The following RNF157 variants were observed in gnomAD, a reference collection of about 807,000 sequenced individuals.
RNF157 encodes ring finger protein 157.
RNF157 carries 55 observed loss-of-function variants against 88.3 expected under a neutral mutation model. The observed-to-expected ratio is 0.62, with a 90% CI of 0.50 to 0.78. The LOEUF (loss-of-function observed/expected upper bound fraction) is 0.78. Ranked by LOEUF, RNF157 falls within the 30% of genes least tolerant of loss-of-function variation. The pLI is 0.00. For missense variants in RNF157, 788 were observed against 860.8 expected, an observed-to-expected ratio of 0.92 and a Z score of 1.06; for synonymous variants, 334 against 341.2, an observed-to-expected ratio of 0.98 and a Z score of 0.23.
chr17:76,222,518 C>A (rs763420469), intron 1 of RNF157, among the ~76,000 whole-genome samples: 1 of 152,080 alleles, frequency 6.6e-6, no homozygotes, highest in Non-Finnish European at 1.5e-5. Context: ...GGTTATAATG[C>A]TGTCATTTGA....
intron 18 of RNF157, among the ~76,000 whole-genome samples, chr17:76,145,976 C>G (rs941881895): frequency 6.6e-6 from 1 of 152,196 alleles, no homozygotes; most frequent in Non-Finnish European, 1.5e-5. Context: ...ATCAGCCCAG[C>G]AGACACCAGC....
At chr17:76,227,601 G>A (rs184275064) in intron 1 of RNF157, among the ~76,000 whole-genome samples, 32 of 152,064 alleles carry the variant, frequency 2.1e-4, no homozygotes, top group Admixed American at 1.6e-3. Flanking sequence ...GTAGTGGCCC[G>A]GCATGGTGGC....
intron 15 of RNF157, 89 bp from the exon 16 acceptor site, chr17:76,155,406 A>C: frequency 6.8e-7 from 1 of 1,480,906 alleles, no homozygotes. Context: ...TTGGTGTCAA[A>C]TAGGAGGGTC....
At chr17:76,196,227 A>T (rs1168119247) in intron 2 of RNF157, among the ~76,000 whole-genome samples, 2 of 152,240 alleles carry the variant, frequency 1.3e-5, no homozygotes, top group African/African-American at 4.8e-5. Context: ...CTAAGCTACC[A>T]TGAGATAAAT....
At chr17:76,226,898 C>T (rs1485020683) in intron 1 of RNF157, 18 of 1,109,522 alleles carry the variant, frequency 1.6e-5, no homozygotes, top group East Asian at 7.3e-5. Flanking sequence ...CCGTGGGAAG[C>T]GCCATGGCTT....
At chr17:76,162,132 C>T in intron 9 of RNF157, 130 bp from the exon 10 acceptor site, 1 of 934,384 alleles carries the variant, frequency 1.1e-6, no homozygotes, top group East Asian at 2.6e-5. Flanking sequence ...TGACATTGGA[C>T]TTTGTCATTT....
At chr17:76,168,223 T>C (rs2068958842) in intron 3 of RNF157, among the ~76,000 whole-genome samples, 1 of 152,176 alleles carries the variant, frequency 6.6e-6, no homozygotes, top group Admixed American at 6.5e-5. Context: ...GCGCTATCTA[T>C]GGGTTTCCTA....
intron 2 of RNF157, among the ~76,000 whole-genome samples, chr17:76,206,610 G>A (rs986166428): frequency 2.6e-5 from 4 of 152,082 alleles, no homozygotes; most frequent in Non-Finnish European, 4.4e-5. Flanking sequence ...GACCAGCCTG[G>A]AACAACATAG....
intron 3 of RNF157, among the ~76,000 whole-genome samples, chr17:76,171,998 C>T (rs2069021606): frequency 6.6e-6 from 1 of 152,172 alleles, no homozygotes; most frequent in Non-Finnish European, 1.5e-5. Flanking sequence ...TGGCAGGCCC[C>T]AGAGGCCTCG....
chr17:76,210,095 G>A (rs556733836), intron 2 of RNF157, among the ~76,000 whole-genome samples: 485 of 152,218 alleles, frequency 3.2e-3, no homozygotes, highest in Non-Finnish European at 5.1e-3. Flanking sequence ...GACTCCCTGT[G>A]AGTGAGGCAA....
chr17:76,222,209 A>C (rs2069996244), intron 1 of RNF157, among the ~76,000 whole-genome samples: 1 of 152,148 alleles, frequency 6.6e-6, no homozygotes. Flanking sequence ...AGCTGGGTGT[A>C]GTGGCACACG....
In RNF157 at chr17:76,145,302, C is replaced by T. The variant is rs780255865; in HGVS notation, c.1973G>A (p.Arg658His). The change falls in exon 19 of 19, where the codon CGC becomes CAC. Residue 658 changes from arginine (R) to histidine (H), a missense_variant. Transcript: ENST00000269391. ...GTCCTCCAGGCTGCTGGATGACAAGCGCCGGCGCTGGGCATTCCGACTGAC... is the reference window on the plus strand; with the variant it reads ...GTCCTCCAGGCTGCTGGATGACAAGTGCCGGCGCTGGGCATTCCGACTGAC... ...NAVSRNAQRR[R>H]LSSSSLEDSE... is the part of the protein sequence containing the mutation. 16 of 1,611,858 alleles carry T rather than the reference C, an allele frequency of 9.9e-6. No homozygotes were observed. Among genetic ancestry groups the T allele is most frequent in the African/African-American group, 4.0e-5 (3 of 74,924 alleles).
chr17:76,213,667 A>G (rs2069841440), intron 1 of RNF157, among the ~76,000 whole-genome samples: 1 of 151,258 alleles, frequency 6.6e-6, no homozygotes, highest in Non-Finnish European at 1.5e-5. Context: ...GGCAGCCCCT[A>G]GGTAGCCTCA....
chr17:76,145,186 A>G lies in RNF157; in HGVS notation c.*49T>C, dbSNP rs779347131. The G allele has an allele frequency of 9.6e-6, 12 of 1,251,766 alleles. No homozygotes were observed. The highest frequency in any genetic ancestry group is 1.4e-5 in the Non-Finnish European group (12 of 863,368). 77.5% of individuals were successfully genotyped at this position (1,251,766 alleles called of 1,614,324 possible). On this transcript the variant is annotated 3_prime_UTR_variant, in exon 19 of 19. Transcript: ENST00000269391. ...CCCAGTAGGCAGCAGCTGAGTGAGG[A>G]TGGATGGAATGCAGGGCAGGAGGGG...
In RNF157 at chr17:76,240,317, G is replaced by A; in HGVS notation, c.-77C>T. The stretch of plus-strand genomic sequence containing the variant: ...GCGCTTCACCGCGGCCGCCCGCCCC[G>A]CGCCCGGTGCGGGGGCCGACTGCCC... On this transcript the variant is annotated 5_prime_UTR_variant, in exon 1 of 19. Transcript: ENST00000269391. The surrounding 1 kb of genome is among the most constrained non-coding windows in gnomAD (Gnocchi z 4.4). 2 of 695,352 alleles carry A rather than the reference G, an allele frequency of 2.9e-6. No homozygotes were observed. The highest frequency in any genetic ancestry group is 6.5e-5 in the Admixed American group (1 of 15,362). 43.1% of individuals were successfully genotyped at this position (695,352 alleles called of 1,614,324 possible).
At chr17:76,202,124 T>A (rs1273023559) in intron 2 of RNF157, among the ~76,000 whole-genome samples, 39 of 139,672 alleles carry the variant, frequency 2.8e-4, no homozygotes, top group African/African-American at 9.4e-4. Context: ...TCTCTCTCTC[T>A]CTCTCACACA....
rs1220681802 is a variant in RNF157, at chr17:76,144,007, T to TC, written c.*1227dup. On this transcript the variant is annotated 3_prime_UTR_variant, in exon 19 of 19. Coordinates refer to ENST00000269391, the MANE Select transcript of RNF157 (RefSeq NM_052916.3). ...GCTGCCTGAACTTAGCTCAAGGCTC[T>TC]CCATCACTTCCTTTGGGGACCTGGG... 1 of 152,226 alleles carries TC rather than the reference T, an allele frequency of 6.6e-6. No homozygotes were observed. Among genetic ancestry groups the TC allele is most frequent in the African/African-American group, 2.4e-5 (1 of 41,412 alleles). 9.4% of individuals were successfully genotyped at this position (152,226 alleles called of 1,614,324 possible). A position where few individuals can be genotyped will look rare whatever the true frequency, so the allele number is the denominator to read the frequency against.
intron 2 of RNF157, among the ~76,000 whole-genome samples, chr17:76,185,475 C>CTTT (rs71161271): frequency 1.3e-4 from 19 of 141,918 alleles, no homozygotes; most frequent in African/African-American, 2.2e-4. Context: ...TTAGTCCTTT[C>CTTT]TTTTTTTTTT....
rs370472621 is a variant in RNF157, at chr17:76,162,643, G to A, written c.721-20C>T. 3.8e-5 allele frequency: 61 copies of A among 1,592,770 alleles called. No homozygotes were observed. The African/African-American group carries it at 7.8e-4, about 20-fold the overall frequency. ...GTCTACCTGAACAGCAAACAGAAAGGTTCAAGGACAGGCTGTCTCTACTGA... is the reference window on the plus strand; with the variant it reads ...GTCTACCTGAACAGCAAACAGAAAGATTCAAGGACAGGCTGTCTCTACTGA... On this transcript the variant is annotated intron_variant, in intron 8 of 18. Coordinates refer to ENST00000269391, the MANE Select transcript of RNF157 (RefSeq NM_052916.3).
Sources: allele counts gnomAD v4.1 joint callset (sites outside exome capture counted in the v4.1 genomes callset), GRCh38; gene constraint gnomAD v4.1.1; non-coding constraint Gnocchi (gnomAD v3.1); transcripts MANE v1.5; gene names NCBI Gene and HGNC (gene_info 2026-07-23, HGNC 2026-07-21).